The following VWC2L variants were observed in gnomAD, a reference collection of about 807,000 sequenced individuals.
The protein encoded by VWC2L is von Willebrand factor C domain-containing protein 2-like.
In VWC2L, 10 loss-of-function variants were observed where a neutral mutation model predicts 21.6. That is an observed-to-expected ratio of 0.46 (90% CI 0.29 to 0.78). The LOEUF (loss-of-function observed/expected upper bound fraction) is 0.78. Among genes scored for constraint, VWC2L ranks in the 30% least tolerant of loss-of-function variants. The pLI, the probability that VWC2L is intolerant of heterozygous loss-of-function variation, is 0.10. For synonymous variants in VWC2L, 96 were observed against 94.3 expected, an observed-to-expected ratio of 1.02 and a Z score of -0.10; for missense variants, 209 against 277.1, an observed-to-expected ratio of 0.75 and a Z score of 1.74.
chr2:214,479,205 A>AT (rs1358441488), intron 3 of VWC2L, among the ~76,000 whole-genome samples: 47 of 152,194 alleles, frequency 3.1e-4, no homozygotes, highest in African/African-American at 1.0e-3. Flanking sequence ...ATATCATGTC[A>AT]TTTATAAATG....
Position 214,575,781 on chromosome 2 carries a change from G to A in VWC2L, c.630G>A (p.Gln210=), listed in dbSNP as rs1358111465. 6.2e-7 allele frequency: 1 copy of A among 1,613,482 alleles called. No individual in the cohort carries two copies. Among genetic ancestry groups the A allele is most frequent in the Middle Eastern group, 1.7e-4 (1 of 6,052 alleles). Reference sequence around the variant, plus strand: ...ACGGGGACTGGTGGAAGCCTGCTCAGTGTTCGAAACGTGAATGCCAAGGCA... The same window carrying A: ...ACGGGGACTGGTGGAAGCCTGCTCAATGTTCGAAACGTGAATGCCAAGGCA... ...CHNGDWWKPA[Q]CSKRECQGKQ... The change falls in exon 4 of 4, where the codon CAG becomes CAA. Residue 210 remains glutamine, a synonymous_variant. Transcript: ENST00000312504.
At chr2:214,459,221 T>C (rs1236650118) in intron 3 of VWC2L, among the ~76,000 whole-genome samples, 1 of 152,200 alleles carries the variant, frequency 6.6e-6, no homozygotes, top group Admixed American at 6.5e-5. Context: ...GTGACACAAG[T>C]GTAGCTACTC....
intron 1 of VWC2L, among the ~76,000 whole-genome samples, chr2:214,412,812 T>A (rs891238738): frequency 6.6e-6 from 1 of 152,106 alleles, no homozygotes; most frequent in Non-Finnish European, 1.5e-5. Flanking sequence ...TTGCTCTTAA[T>A]ATAATCTGAA....
At chr2:214,499,793 G>C (rs1688865967) in intron 3 of VWC2L, among the ~76,000 whole-genome samples, 1 of 152,126 alleles carries the variant, frequency 6.6e-6, no homozygotes, top group African/African-American at 2.4e-5. Context: ...CATTAGCTTT[G>C]CCTTTATTTA....
At chr2:214,514,805 TCA>T (rs1329556466) in intron 3 of VWC2L, among the ~76,000 whole-genome samples, 2 of 152,214 alleles carry the variant, frequency 1.3e-5, no homozygotes, top group African/African-American at 4.8e-5. Flanking sequence ...ATTGGCATAA[TCA>T]CAGTTTCCAC....
At chr2:214,573,116 A>G (rs556153415) in intron 3 of VWC2L, among the ~76,000 whole-genome samples, 1 of 152,292 alleles carries the variant, frequency 6.6e-6, no homozygotes, top group African/African-American at 2.4e-5. Flanking sequence ...ATATCCCTTC[A>G]GGATAAGCAT....
chr2:214,482,386 T>C (rs1688614668), intron 3 of VWC2L, among the ~76,000 whole-genome samples: 1 of 152,032 alleles, frequency 6.6e-6, no homozygotes, highest in Non-Finnish European at 1.5e-5. Context: ...AACCATCCTT[T>C]CCATTACTGA....
At position 214,559,712 on chromosome 2, in the gene VWC2L, C is replaced by T. The variant is rs535369124; in HGVS notation, c.521-15960C>T. 7.9e-5 allele frequency among the ~76,000 whole-genome samples: 12 copies of T among 151,852 alleles called. No individual in the cohort carries two copies. In the East Asian group the frequency reaches 1.7e-3, roughly 22 times the overall value. ...GCAGCCTTGAACCCTTGAGCTTAAGCGATCCTCTCATCTCAGCATCTCAAG... is the reference window on the plus strand; with the variant it reads ...GCAGCCTTGAACCCTTGAGCTTAAGTGATCCTCTCATCTCAGCATCTCAAG... On this transcript the variant is annotated intron_variant, in intron 3 of 3. Transcript: ENST00000312504.
chr2:214,433,178 ATATATT>A lies in VWC2L; in HGVS notation c.391-3450_391-3445del, dbSNP rs1348747831. ...CCACCTGATATATATATATATATAT[ATATATT>A]ATATATAAATATATGTATAAACAAA... is the stretch of plus-strand genomic sequence containing the variant. On this transcript the variant is annotated intron_variant, in intron 2 of 3. Coordinates refer to ENST00000312504, the MANE Select transcript of VWC2L (RefSeq NM_001080500.4). 6.7e-3 allele frequency among the ~76,000 whole-genome samples: 937 copies of A among 140,684 alleles called. 11 individuals carry two copies. The highest frequency in any genetic ancestry group is 0.012 in the Non-Finnish European group (745 of 64,628). 92.3% of individuals were successfully genotyped at this position (140,684 alleles called of 152,430 possible).
chr2:214,456,391 GTTTTTGTTTGGGTT>G (rs1703056418), intron 3 of VWC2L, among the ~76,000 whole-genome samples: 1 of 151,864 alleles, frequency 6.6e-6, no homozygotes, highest in African/African-American at 2.4e-5. Context: ...TGATTGTTTG[GTTTTTGTTTGGGTT>G]TTTTTGTTTG....
intron 3 of VWC2L, among the ~76,000 whole-genome samples, chr2:214,449,602 T>C (rs1327361757): frequency 6.6e-6 from 1 of 152,228 alleles, no homozygotes; most frequent in Non-Finnish European, 1.5e-5. Flanking sequence ...CAAGAATTGC[T>C]GTGGCAGTGG....
At chr2:214,529,579 G>A (rs1689400190) in intron 3 of VWC2L, among the ~76,000 whole-genome samples, 1 of 152,118 alleles carries the variant, frequency 6.6e-6, no homozygotes, top group African/African-American at 2.4e-5. Context: ...AACCATGGAG[G>A]CAACTTGAAA....
At chr2:214,460,634 A>T (rs528115835) in intron 3 of VWC2L, among the ~76,000 whole-genome samples, 1 of 152,054 alleles carries the variant, frequency 6.6e-6, no homozygotes, top group Admixed American at 6.6e-5. Context: ...TTTTTATAAC[A>T]TCTATTTCTT....
At chr2:214,504,925 G>A (rs1574602760) in intron 3 of VWC2L, among the ~76,000 whole-genome samples, 1 of 152,292 alleles carries the variant, frequency 6.6e-6, no homozygotes, top group East Asian at 1.9e-4. Flanking sequence ...ACATCATTTA[G>A]TTCATTGCCT....
intron 3 of VWC2L, among the ~76,000 whole-genome samples, chr2:214,520,829 A>G (rs949369191): frequency 2.6e-5 from 4 of 152,236 alleles, no homozygotes; most frequent in African/African-American, 7.2e-5. Context: ...AAGGAAATAC[A>G]TGAAAGTGTA....
intron 3 of VWC2L, among the ~76,000 whole-genome samples, chr2:214,563,576 A>AAAAAAAAAAAAAAAAAAG: frequency 8.6e-6 from 1 of 116,464 alleles, no homozygotes; most frequent in African/African-American, 2.9e-5. Context: ...AAAAAAAAAA[A>AAAAAAAAAAAAAAAAAAG]AAAAATCAAG....
chr2:214,550,339 T>C (rs534572539), intron 3 of VWC2L, among the ~76,000 whole-genome samples: 2 of 152,352 alleles, frequency 1.3e-5, no homozygotes, highest in Admixed American at 6.5e-5. Context: ...CTTAATAATA[T>C]GTTTCCATTT....
chr2:214,524,725 C>T (rs1053238212), intron 3 of VWC2L, among the ~76,000 whole-genome samples: 3 of 152,010 alleles, frequency 2.0e-5, no homozygotes, highest in Non-Finnish European at 4.4e-5. Context: ...CATCAATGCC[C>T]CAGTTTTTTT....
intron 3 of VWC2L, among the ~76,000 whole-genome samples, chr2:214,543,703 C>T (rs1296701289): frequency 6.6e-6 from 1 of 151,786 alleles, no homozygotes; most frequent in Non-Finnish European, 1.5e-5. Context: ...TGGCAAGGTC[C>T]CTCAGCTTAA....
Sources: allele counts gnomAD v4.1 joint callset (sites outside exome capture counted in the v4.1 genomes callset), GRCh38; gene constraint gnomAD v4.1.1; transcripts MANE v1.5; gene names NCBI Gene and HGNC (gene_info 2026-07-23, HGNC 2026-07-21).